The following FAM227B variants were observed in gnomAD, a reference collection of about 807,000 sequenced individuals.
FAM227B encodes family with sequence similarity 227 member B, also known as protein FAM227B.
In FAM227B, 88 loss-of-function variants were observed where a neutral mutation model predicts 73.8. The observed-to-expected ratio is 1.19, with a 90% confidence interval of 1.00 to 1.42. FAM227B has a LOEUF of 1.42. FAM227B is among the 40% of genes most tolerant of loss of function. FAM227B has a pLI of 0.00. For missense variants in FAM227B, 632 were observed against 590.9 expected (o/e 1.07, Z -0.72); for synonymous variants, 210 against 190.5 (o/e 1.10, Z -0.84).
chr15:49,508,404 T>C (rs2058734446), intron 10 of FAM227B, 56 bp from the exon 11 acceptor site: 1 of 1,421,740 alleles, frequency 7.0e-7, no homozygotes, highest in African/African-American at 1.5e-5. Flanking sequence ...AAAATACCTT[T>C]TAATTTGTCA....
At chr15:49,422,833 C>CTA in intron 11 of FAM227B, 1 of 772,704 alleles carries the variant, frequency 1.3e-6, no homozygotes, top group Non-Finnish European at 2.1e-6. Flanking sequence ...TGTTAGTTAA[C>CTA]ACATACCAGT....
chr15:49,405,151 T>A (rs2048430647), intron 11 of FAM227B, among the ~76,000 whole-genome samples: 1 of 152,170 alleles, frequency 6.6e-6, no homozygotes, highest in African/African-American at 2.4e-5. Flanking sequence ...CCTTTGTAGG[T>A]GACCTGATCT....
intron 11 of FAM227B, among the ~76,000 whole-genome samples, chr15:49,413,800 T>G (rs957007404): frequency 6.6e-6 from 1 of 151,702 alleles, no homozygotes; most frequent in Non-Finnish European, 1.5e-5. Context: ...TATCTTTTGG[T>G]TTCTAGAACA....
At chr15:49,372,800 T>TA (rs1348237385) in intron 11 of FAM227B, among the ~76,000 whole-genome samples, 1 of 152,150 alleles carries the variant, frequency 6.6e-6, no homozygotes, top group Non-Finnish European at 1.5e-5. Flanking sequence ...CTAGTGATTG[T>TA]AATGTTGATG....
chr15:49,338,018 C>G (rs1054417986), intron 13 of FAM227B, among the ~76,000 whole-genome samples: 1 of 152,052 alleles, frequency 6.6e-6, no homozygotes, highest in African/African-American at 2.4e-5. Flanking sequence ...GTGTATATAC[C>G]CAGTAATGGG....
At chr15:49,573,659 C>T (rs1188290938) in intron 8 of FAM227B, among the ~76,000 whole-genome samples, 2 of 152,140 alleles carry the variant, frequency 1.3e-5, no homozygotes, top group African/African-American at 4.8e-5. Context: ...CATGCCGGTC[C>T]CTCTATCTTG....
intron 9 of FAM227B, among the ~76,000 whole-genome samples, chr15:49,551,483 G>A (rs1246827150): frequency 1.3e-5 from 2 of 152,074 alleles, no homozygotes; most frequent in African/African-American, 4.8e-5. Flanking sequence ...TTCAGTCTAT[G>A]TGTATCTTTA....
At chr15:49,606,699 G>A (rs188791106) in intron 3 of FAM227B, among the ~76,000 whole-genome samples, 1 of 152,166 alleles carries the variant, frequency 6.6e-6, no homozygotes, top group East Asian at 1.9e-4. Context: ...ACCATTGTTG[G>A]GCTCAGAAAT....
In FAM227B at chr15:49,442,184, T is replaced by C. The variant is rs563835855; in HGVS notation, c.1012+66027A>G. On this transcript the variant is annotated intron_variant, in intron 11 of 15. Coordinates refer to ENST00000299338, the MANE Select transcript of FAM227B (RefSeq NM_152647.3). ...TTTTCTTTTACCTTATTTTCTACTG[T>C]TTGCTAATGGAAAGATTCTATTCTA... 8.6e-5 allele frequency among the ~76,000 whole-genome samples: 13 copies of C among 151,806 alleles called. No individual in the cohort carries two copies. In the South Asian group the frequency reaches 2.7e-3, roughly 32 times the overall value.
chr15:49,484,705 C>T lies in FAM227B; in HGVS notation c.1012+23506G>A, dbSNP rs538124446. 4 of 390,260 alleles carry T rather than the reference C, an allele frequency of 1.0e-5. No homozygotes were observed. In the South Asian group the frequency reaches 4.4e-4, roughly 43 times the overall value. 24.2% of individuals were successfully genotyped at this position (390,260 alleles called of 1,614,324 possible). On this transcript the variant is annotated intron_variant, in intron 11 of 15. Coordinates refer to ENST00000299338, the MANE Select transcript of FAM227B (RefSeq NM_152647.3). ...ATTAAAGAAAGATTTGAAAAGTATA[C>T]ACAAAAATCAGATTTAGTAACTAAA...
intron 11 of FAM227B, among the ~76,000 whole-genome samples, chr15:49,448,843 C>G (rs532149181): frequency 2.6e-5 from 4 of 151,880 alleles, no homozygotes; most frequent in African/African-American, 9.6e-5. Context: ...AGAATGAACC[C>G]TCTACAATTT....
rs75248896 is a variant in FAM227B, at chr15:49,579,263, A to G, written c.406-1599T>C. Among the ~76,000 whole-genome samples, 1,139 of 152,318 alleles carry G rather than the reference A, an allele frequency of 7.5e-3. 21 individuals are homozygous for G. The highest frequency in any genetic ancestry group is 0.026 in the African/African-American group (1,091 of 41,580). ...ACAGAGGTTTCTCAAAAAACTAAAAATAGAACTGTCATACAATTAGTCCAG... is the reference window on the plus strand; with the variant it reads ...ACAGAGGTTTCTCAAAAAACTAAAAGTAGAACTGTCATACAATTAGTCCAG... On this transcript the variant is annotated intron_variant, in intron 5 of 15. Transcript: ENST00000299338.
chr15:49,361,878 TC>T (rs2044301785), intron 13 of FAM227B, among the ~76,000 whole-genome samples: 1 of 152,100 alleles, frequency 6.6e-6, no homozygotes, highest in Non-Finnish European at 1.5e-5. Flanking sequence ...GTATAAGCAT[TC>T]CTTTTCTCTG....
intron 11 of FAM227B, among the ~76,000 whole-genome samples, chr15:49,391,220 CCATTTATT>C (rs2151571448): frequency 2.0e-5 from 3 of 152,136 alleles, no homozygotes; most frequent in Admixed American, 1.3e-4. Context: ...CAGCTATTTG[CCATTTATT>C]CATTTATTCA....
intron 11 of FAM227B, among the ~76,000 whole-genome samples, chr15:49,495,696 C>G (rs2057539656): frequency 6.6e-6 from 1 of 152,008 alleles, no homozygotes; most frequent in Non-Finnish European, 1.5e-5. Context: ...CTGAGCATTG[C>G]TAATAGTGAA....
At chr15:49,350,744 T>C (rs929363934) in intron 13 of FAM227B, among the ~76,000 whole-genome samples, 1 of 152,186 alleles carries the variant, frequency 6.6e-6, no homozygotes, top group Non-Finnish European at 1.5e-5. Flanking sequence ...CACAGGAAGC[T>C]TCTCTCTTAT....
At chr15:49,547,062 A>C (rs561691687) in intron 9 of FAM227B, among the ~76,000 whole-genome samples, 150 of 152,370 alleles carry the variant, frequency 9.8e-4, no homozygotes, top group African/African-American at 3.5e-3. Flanking sequence ...AGGGAAGCCC[A>C]TCAGACTAAC....
intron 11 of FAM227B, among the ~76,000 whole-genome samples, chr15:49,382,036 T>C (rs1596727734): frequency 6.6e-6 from 1 of 152,048 alleles, no homozygotes; most frequent in South Asian, 2.1e-4. Context: ...AGAATAAAAA[T>C]TATGAAGGTA....
At chr15:49,385,356 G>A (rs2046814135) in intron 11 of FAM227B, among the ~76,000 whole-genome samples, 1 of 151,860 alleles carries the variant, frequency 6.6e-6, no homozygotes, top group Non-Finnish European at 1.5e-5. Flanking sequence ...ATTCCTTTAA[G>A]CCTGTTTCCT....
Sources: gnomAD v4.1 joint callset for allele counts (sites outside exome capture counted in the v4.1 genomes callset) on GRCh38, gnomAD v4.1.1 for gene constraint, MANE v1.5 for transcripts, NCBI Gene and HGNC (gene_info 2026-07-23, HGNC 2026-07-21) for gene names.